The following NEK11 variants were observed in gnomAD, a reference collection of about 807,000 sequenced individuals.
NEK11 encodes the protein NIMA related kinase 11.
NEK11 carries 72 observed loss-of-function variants against 80.7 expected under a neutral mutation model. The observed-to-expected ratio is 0.89, with a 90% CI of 0.74 to 1.08. NEK11 has a LOEUF of 1.08. NEK11 is among the 50% of genes least tolerant of loss of function. NEK11 has a pLI of 0.00. For synonymous variants in NEK11, 251 were observed against 260.7 expected, an observed-to-expected ratio of 0.96 and a Z score of 0.36; for missense variants, 764 against 763.6, an observed-to-expected ratio of 1.00 and a Z score of -0.01.
At chr3:131,243,285 A>G in intron 15 of NEK11, 151 bp from the exon 16 acceptor site, 1 of 618,142 alleles carries the variant, frequency 1.6e-6, no homozygotes. Flanking sequence ...ATATACATAA[A>G]GTTATTTTTC....
At chr3:131,310,878 G>A (rs540030622) in intron 17 of NEK11, among the ~76,000 whole-genome samples, 80 of 152,306 alleles carry the variant, frequency 5.3e-4, no homozygotes, top group Non-Finnish European at 9.4e-4. Context: ...TTGACGGGAT[G>A]TCTGAAAATA....
chr3:131,267,319 G>T (rs2096077820), intron 16 of NEK11, among the ~76,000 whole-genome samples: 1 of 152,176 alleles, frequency 6.6e-6, no homozygotes, highest in South Asian at 2.1e-4. Flanking sequence ...TTTTGCAGTG[G>T]CTGGTACTGG....
chr3:131,315,775 C>T (rs548582293), intron 17 of NEK11, among the ~76,000 whole-genome samples: 13 of 151,916 alleles, frequency 8.6e-5, no homozygotes, highest in East Asian at 7.7e-4. Context: ...TCTCATTATT[C>T]GGCTTCCACT....
At chr3:131,223,096 C>T (rs1343267734) in intron 14 of NEK11, among the ~76,000 whole-genome samples, 1 of 152,158 alleles carries the variant, frequency 6.6e-6, no homozygotes, top group East Asian at 1.9e-4. Flanking sequence ...AGGCTGACTT[C>T]AGGGTGCAAG....
At chr3:131,308,977 C>G (rs1195432590) in intron 17 of NEK11, among the ~76,000 whole-genome samples, 1 of 152,180 alleles carries the variant, frequency 6.6e-6, no homozygotes, top group Non-Finnish European at 1.5e-5. Flanking sequence ...AGTTTGTGTT[C>G]CTATGAGAAT....
chr3:131,054,662 T>C (rs1253709131), intron 3 of NEK11: 1 of 150,952 alleles, frequency 6.6e-6, no homozygotes, highest in African/African-American at 2.4e-5. Flanking sequence ...GAGGCTGAGG[T>C]GGGAGGATTG....
rs370312754 is a variant in NEK11 at position 131,087,388 on chromosome 3, C to T, written c.336+6800C>T. On this transcript the variant is annotated intron_variant, in intron 4 of 17. Coordinates refer to ENST00000383366, the MANE Select transcript of NEK11 (RefSeq NM_024800.5). ...CCTCCCGGGTAGCTGTGACTACTGG[C>T]GCGTGCCACCACGCCCAGCTAATTT... Among the ~76,000 whole-genome samples, 14 of 152,004 alleles carry T rather than the reference C, an allele frequency of 9.2e-5. No homozygotes were observed. The South Asian group carries it at 1.7e-3, about 18-fold the overall frequency.
intron 16 of NEK11, among the ~76,000 whole-genome samples, chr3:131,267,778 T>C (rs1054189132): frequency 2.6e-5 from 4 of 152,192 alleles, no homozygotes; most frequent in South Asian, 2.1e-4. Context: ...AGGAGTATCT[T>C]TGTGGTGTTC....
At chr3:131,123,472 A>AT (rs2082739216) in intron 5 of NEK11, among the ~76,000 whole-genome samples, 1 of 152,028 alleles carries the variant, frequency 6.6e-6, no homozygotes, top group African/African-American at 2.4e-5. Context: ...GCCAATTATA[A>AT]TTTTTCAATA....
chr3:131,134,217 A>G (rs1005119717), intron 7 of NEK11: 7 of 302,416 alleles, frequency 2.3e-5, no homozygotes, highest in Non-Finnish European at 3.6e-5. Flanking sequence ...TTCTTAATGT[A>G]CCATAAGCAT....
At chr3:131,252,057 G>T (rs1331976599) in intron 16 of NEK11, among the ~76,000 whole-genome samples, 1 of 152,074 alleles carries the variant, frequency 6.6e-6, no homozygotes, top group Non-Finnish European at 1.5e-5. Flanking sequence ...GCTTGTGTCT[G>T]CTTTGTTCCT....
chr3:131,207,396 A>C (rs1335311004), intron 14 of NEK11, among the ~76,000 whole-genome samples: 1 of 152,164 alleles, frequency 6.6e-6, no homozygotes, highest in African/African-American at 2.4e-5. Flanking sequence ...ATCCTGGCTA[A>C]CACGGTGAAA....
chr3:131,111,031 T>C (rs976818845), intron 5 of NEK11, among the ~76,000 whole-genome samples: 7 of 152,180 alleles, frequency 4.6e-5, no homozygotes, highest in African/African-American at 9.6e-5. Flanking sequence ...TACATTTATA[T>C]TGGTATTTCT....
intron 17 of NEK11, among the ~76,000 whole-genome samples, chr3:131,303,308 G>T (rs2096682742): frequency 6.6e-6 from 1 of 152,092 alleles, no homozygotes; most frequent in Non-Finnish European, 1.5e-5. Context: ...TTTAATTGTG[G>T]CATTTGGTCT....
intron 5 of NEK11, among the ~76,000 whole-genome samples, chr3:131,118,843 C>G (rs552261003): frequency 3.3e-5 from 5 of 151,890 alleles, no homozygotes; most frequent in Admixed American, 2.6e-4. Flanking sequence ...TTTTTTGCAT[C>G]TATTTGATTC....
intron 10 of NEK11, among the ~76,000 whole-genome samples, chr3:131,161,710 T>C (rs1192281354): frequency 6.6e-6 from 1 of 152,014 alleles, no homozygotes; most frequent in Non-Finnish European, 1.5e-5. Context: ...AGGGAGAGGA[T>C]CAGGAAAAAT....
At chr3:131,298,513 G>C (rs936535833) in intron 17 of NEK11, among the ~76,000 whole-genome samples, 2 of 152,114 alleles carry the variant, frequency 1.3e-5, no homozygotes, top group African/African-American at 4.8e-5. Flanking sequence ...AAAGTCTCAG[G>C]ATACAAAATC....
chr3:131,347,517 G>A (rs1447922243), intron 17 of NEK11, among the ~76,000 whole-genome samples: 2 of 152,126 alleles, frequency 1.3e-5, no homozygotes, highest in Non-Finnish European at 2.9e-5. Flanking sequence ...TTACAAGCTT[G>A]AATAACACTG....
intron 3 of NEK11, among the ~76,000 whole-genome samples, chr3:131,079,014 A>T (rs1056418256): frequency 6.6e-6 from 1 of 151,940 alleles, no homozygotes; most frequent in African/African-American, 2.4e-5. Context: ...ACCTTTTTAG[A>T]ACTGTCTTTT....
Sources: allele counts gnomAD v4.1 joint callset (sites outside exome capture counted in the v4.1 genomes callset), GRCh38; gene constraint gnomAD v4.1.1; transcripts MANE v1.5; gene names NCBI Gene and HGNC (gene_info 2026-07-23, HGNC 2026-07-21).